Variants in VPS35 observed in about 807,000 individuals in gnomAD.
VPS35 encodes the protein VPS35 retromer complex component.
A neutral mutation model predicts 98.1 loss-of-function variants in VPS35; 21 were observed. That is an observed-to-expected ratio of 0.21 (90% CI 0.15 to 0.31). VPS35 has a LOEUF of 0.31. Among genes scored for constraint, VPS35 ranks in the 10% least tolerant of loss-of-function variants. The probability of loss-of-function intolerance (pLI) is 1.00; values close to 1 mark genes in which losing one functional copy is unlikely to be tolerated. For missense variants in VPS35, 554 were observed against 950.8 expected, an observed-to-expected ratio of 0.58 and a Z score of 5.49; for synonymous variants, 268 against 318.2, an observed-to-expected ratio of 0.84 and a Z score of 1.68.
At position 46,657,377 on chromosome 16, in the gene VPS35, G is replaced by A. The variant is rs953662715; in HGVS notation, c.*3095C>T. ...TTCTGCTTGAGCTTATTACCTTGAGGTCTCTGAATGAGAGAGCAAATGTTA... is the reference window on the plus strand; with the variant it reads ...TTCTGCTTGAGCTTATTACCTTGAGATCTCTGAATGAGAGAGCAAATGTTA... On this transcript the variant is annotated 3_prime_UTR_variant, in exon 17 of 17. Coordinates refer to ENST00000299138, the MANE Select transcript of VPS35 (RefSeq NM_018206.6). 8 of 152,098 alleles carry A rather than the reference G, an allele frequency of 5.3e-5. No individual in the cohort carries two copies. The highest frequency in any genetic ancestry group is 1.2e-4 in the Non-Finnish European group (8 of 68,024). The allele number at this position is 152,098 out of a possible 1,614,324, so 9.4% of individuals were successfully genotyped here.
chr16:46,677,419 A>G (rs750956803), intron 6 of VPS35, 21 bp from the exon 7 acceptor site: 20 of 1,595,512 alleles, frequency 1.3e-5, no homozygotes, highest in Admixed American at 1.0e-4. Flanking sequence ...AAAAACACAC[A>G]TAAGGGTTAA....
In VPS35 at chr16:46,680,809, G is replaced by T; in HGVS notation, c.368C>A (p.Pro123His). The stretch of plus-strand genomic sequence containing the variant: ...TTTCAAAATATCCTTCCTGGACTGA[G>T]GAAATGACTTGACATATACAACTCC... ...TVGVVYVKSF[P>H]QSRKDILKDL... Residue 123 changes from proline (P) to histidine (H), a missense_variant, in exon 5 of 17, where the codon CCT becomes CAT. Around this residue, in one of 5 missense-constraint regions of VPS35, gnomAD observed 77 missense variants for 222.3 expected, o/e 0.35. Coordinates refer to ENST00000299138, the MANE Select transcript of VPS35 (RefSeq NM_018206.6). The T allele has an allele frequency of 1.9e-6, 3 of 1,613,940 alleles. No individual in the cohort carries two copies. The highest frequency in any genetic ancestry group is 2.2e-5 in the South Asian group (2 of 91,068).
rs764351948 is a variant in VPS35, at chr16:46,681,385, G to T, written c.315C>A (p.Ile105=). 1.9e-6 allele frequency: 3 copies of T among 1,613,510 alleles called. No homozygotes were observed. The South Asian group carries it at 3.3e-5, about 18-fold the overall frequency. The change falls in exon 4 of 17, where the codon ATC becomes ATA. Residue 105 remains isoleucine, a synonymous_variant. Coordinates refer to ENST00000299138, the MANE Select transcript of VPS35 (RefSeq NM_018206.6). ...YELVQYAGNI[I]PRLYLLITVG... Reference sequence around the variant, plus strand: ...GATTTGTAATTACTTACAGCCTTGGGATAATGTTTCCAGCATACTGTACAA... The same window carrying T: ...GATTTGTAATTACTTACAGCCTTGGTATAATGTTTCCAGCATACTGTACAA...
rs778678166 is a variant in VPS35 at position 46,663,064 on chromosome 16, T to C, written c.1746A>G (p.Arg582=). The stretch of plus-strand genomic sequence containing the variant: ...CAGCTAGTGCTCCTTGAAGAAAAAG[T>C]CTTAAGGGCAATTCTGCCAGCTCTG... ...IKAELAELPL[R]LFLQGALAAG... Residue 582 remains arginine, a synonymous_variant, in exon 14 of 17, where the codon AGA becomes AGG. Coordinates refer to ENST00000299138, the MANE Select transcript of VPS35 (RefSeq NM_018206.6). The C allele has an allele frequency of 1.9e-6, 3 of 1,614,172 alleles. No individual in the cohort carries two copies. Among genetic ancestry groups the C allele is most frequent in the South Asian group, 2.2e-5 (2 of 91,082 alleles).
intron 1 of VPS35, chr16:46,688,828 C>T: frequency 6.5e-6 from 9 of 1,384,402 alleles, no homozygotes; most frequent in Non-Finnish European, 8.4e-6. Flanking sequence ...GTGACCGATT[C>T]CACTTAAAGG....
At chr16:46,665,477 C>T (rs1342076410) in intron 13 of VPS35, among the ~76,000 whole-genome samples, 4 of 151,920 alleles carry the variant, frequency 2.6e-5, no homozygotes, top group African/African-American at 9.7e-5. Context: ...TGCTTGCAGT[C>T]CCAGCTACTC....
At chr16:46,663,815 A>G (rs1300829356) in intron 13 of VPS35, among the ~76,000 whole-genome samples, 3 of 128,858 alleles carry the variant, frequency 2.3e-5, no homozygotes, top group Non-Finnish European at 4.8e-5. Flanking sequence ...CCCACCTCAG[A>G]CTCCCGAATA....
chr16:46,673,985 G>T, intron 10 of VPS35: 1 of 297,522 alleles, frequency 3.4e-6, no homozygotes, highest in Non-Finnish European at 6.4e-6. Context: ...TAGTGTTAGT[G>T]TATTTTATGT....
intron 12 of VPS35, among the ~76,000 whole-genome samples, chr16:46,670,133 T>C (rs1966046876): frequency 6.6e-6 from 1 of 152,222 alleles, no homozygotes; most frequent in Admixed American, 6.5e-5. Flanking sequence ...AAAATATTTT[T>C]AGTATATGTG....
In VPS35 at chr16:46,660,351, G is replaced by C; in HGVS notation, c.*121C>G. 8.0e-7 allele frequency: 1 copy of C among 1,255,456 alleles called. No homozygotes were observed. 77.8% of individuals were successfully genotyped at this position (1,255,456 alleles called of 1,614,324 possible). A position where few individuals can be genotyped will look rare whatever the true frequency, so the allele number is the denominator to read the frequency against. On this transcript the variant is annotated 3_prime_UTR_variant, in exon 17 of 17. Transcript: ENST00000299138. ...GAGGTGCTGGGTAAAACACATCACA[G>C]GTAAGAAATGGGAAACCTACCTCAG... is the stretch of plus-strand genomic sequence containing the variant.
intron 5 of VPS35, among the ~76,000 whole-genome samples, chr16:46,680,079 C>A (rs1440460932): frequency 6.6e-6 from 1 of 152,178 alleles, no homozygotes; most frequent in Non-Finnish European, 1.5e-5. Context: ...GAACAGCTCA[C>A]CCCACTGAAG....
chr16:46,681,673 G>A, intron 3 of VPS35, 173 bp from the exon 4 acceptor site: 1 of 739,570 alleles, frequency 1.4e-6, no homozygotes, highest in Non-Finnish European at 2.2e-6. Flanking sequence ...TAAAATAAGG[G>A]TTTTAAAGCA....
At chr16:46,678,536 CA>C (rs900741068) in intron 6 of VPS35, among the ~76,000 whole-genome samples, 44 of 152,240 alleles carry the variant, frequency 2.9e-4, no homozygotes, top group African/African-American at 1.1e-3. Flanking sequence ...TCCTTTTCAC[CA>C]ATACCACACA....
Position 46,662,428 on chromosome 16 carries a change from T to C in VPS35, c.1882A>G (p.Ile628Val). The part of the protein sequence containing the change: ...ISDSKAQLAA[I>V]TLIIGTFERM... ...TCAAAAGTGCCAATGATCAAGGTGA[T>C]GGCAGCTAGCTGTGCTTTGGAATCG... Residue 628 changes from isoleucine (I) to valine (V), a missense_variant, in exon 15 of 17, where the codon ATC (isoleucine) becomes GTC (valine). Ile to Val is a conservative substitution (Grantham distance 29). Around this residue, in one of 5 missense-constraint regions of VPS35, gnomAD observed 153 missense variants for 211.0 expected, o/e 0.73. Coordinates refer to ENST00000299138, the MANE Select transcript of VPS35 (RefSeq NM_018206.6). The C allele has an allele frequency of 6.2e-7, 1 of 1,614,226 alleles. No individual in the cohort carries two copies.
chr16:46,689,146 GAGC>G lies in VPS35; in HGVS notation c.-16_-14del. 6.2e-7 allele frequency: 1 copy of G among 1,608,874 alleles called. No homozygotes were observed. The highest frequency in any genetic ancestry group is 1.7e-5 in the Admixed American group (1 of 59,564). On this transcript the variant is annotated 5_prime_UTR_variant, in exon 1 of 17. Transcript: ENST00000299138. ...CAGCACTCACCATGGCGACTCCCCA[GAGC>G]CTGCAGCAAGCAGCACCCGCCCCGC...
intron 5 of VPS35, among the ~76,000 whole-genome samples, chr16:46,679,983 G>T (rs996607908): frequency 1.3e-5 from 2 of 151,714 alleles, no homozygotes; most frequent in Non-Finnish European, 2.9e-5. Flanking sequence ...ACTGAAAAAA[G>T]ATTAAAAATT....
intron 13 of VPS35, among the ~76,000 whole-genome samples, chr16:46,663,806 C>T (rs1965947823): frequency 6.7e-6 from 1 of 150,092 alleles, no homozygotes; most frequent in Admixed American, 6.7e-5. Flanking sequence ...AGTGATGCTC[C>T]CACCTCAGAC....
At chr16:46,682,198 G>GA in intron 2 of VPS35, 23 bp from the exon 3 acceptor site, 1 of 1,515,860 alleles carries the variant, frequency 6.6e-7, no homozygotes, top group Non-Finnish European at 9.2e-7. Context: ...CAAGAGAATA[G>GA]ATGAGAATGC....
At chr16:46,668,816 T>C (rs1966026030) in intron 13 of VPS35, 114 bp downstream of exon 13, 6 of 1,433,858 alleles carry the variant, frequency 4.2e-6, no homozygotes, top group Non-Finnish European at 5.8e-6. Context: ...GATTTTATTA[T>C]ACCACTGTCT....
Sources: gnomAD v4.1 joint callset for allele counts (sites outside exome capture counted in the v4.1 genomes callset) on GRCh38, gnomAD v4.1.1 for gene constraint, gnomAD v4.1.1 regional missense constraint, MANE v1.5 for transcripts, NCBI Gene and HGNC (gene_info 2026-07-23, HGNC 2026-07-21) for gene names.